Variants in CNGA1 observed in about 807,000 individuals in gnomAD.
The protein encoded by CNGA1 is cyclic nucleotide gated channel subunit alpha 1.
CNGA1 carries 53 observed loss-of-function variants against 69.7 expected under a neutral mutation model. The ratio of observed to expected loss-of-function variants is 0.76; its 90% confidence interval spans 0.61 to 0.96. The LOEUF (loss-of-function observed/expected upper bound fraction) is 0.96, where lower values mean the gene tolerates loss of function less well. Among genes scored for constraint, CNGA1 ranks in the 40% least tolerant of loss-of-function variants. The pLI, the probability that CNGA1 is intolerant of heterozygous loss-of-function variation, is 0.00. For missense variants in CNGA1, 739 were observed against 811.2 expected, an observed-to-expected ratio of 0.91 and a Z score of 1.08; for synonymous variants, 249 against 283.5, an observed-to-expected ratio of 0.88 and a Z score of 1.22.
In CNGA1 at chr4:47,967,219, C is replaced by G. The variant is rs144709892; in HGVS notation, c.-15+14174G>C. On this transcript the variant is annotated intron_variant, in intron 3 of 10. Transcript: ENST00000514170. The stretch of plus-strand genomic sequence containing the variant: ...TTGGAAAGCTGAGGCAGGAGAATCA[C>G]TTGAACCCAGGAGACAGAGTTTGCA... 9.0e-3 allele frequency among the ~76,000 whole-genome samples: 1,377 copies of G among 152,294 alleles called. 18 individuals are homozygous for G. The highest frequency in any genetic ancestry group is 0.03 in the African/African-American group (1,263 of 41,560).
chr4:47,978,733 T>A (rs1045720377), intron 3 of CNGA1, among the ~76,000 whole-genome samples: 5 of 152,196 alleles, frequency 3.3e-5, no homozygotes, highest in Non-Finnish European at 7.3e-5. Context: ...TAATAGATAT[T>A]CTATCAGGCA....
At chr4:47,954,094 A>T (rs1739912885) in intron 3 of CNGA1, among the ~76,000 whole-genome samples, 1 of 152,088 alleles carries the variant, frequency 6.6e-6, no homozygotes, top group South Asian at 2.1e-4. Flanking sequence ...AATAGCAGAG[A>T]GCGGCAGAGA....
In CNGA1 at chr4:47,980,066, T is replaced by C. The variant is rs75641555; in HGVS notation, c.-15+1327A>G. 7.1e-3 allele frequency among the ~76,000 whole-genome samples: 1,076 copies of C among 152,318 alleles called. 8 individuals are homozygous for C. Among genetic ancestry groups the C allele is most frequent in the African/African-American group, 0.024 (1,016 of 41,568 alleles). ...AATGGAGAAAAGAGGGCGTATTCTC[T>C]AGGGGACATAAGGTACAACAGGTAA... On this transcript the variant is annotated intron_variant, in intron 3 of 10. Transcript: ENST00000514170.
intron 3 of CNGA1, among the ~76,000 whole-genome samples, chr4:47,958,621 C>CA (rs60052755): frequency 2.3e-3 from 324 of 140,350 alleles, no homozygotes; most frequent in Middle Eastern, 7.5e-3. Flanking sequence ...GACTCCGCCT[C>CA]AAAAAAAAAA....
chr4:47,955,163 T>TTTATC (rs1739994961), intron 3 of CNGA1, among the ~76,000 whole-genome samples: 1 of 138,106 alleles, frequency 7.2e-6, no homozygotes, highest in Non-Finnish European at 1.5e-5. Flanking sequence ...CTCTGTCTCT[T>TTTATC]TTTTCTTTTC....
At position 47,936,608 on chromosome 4, in the gene CNGA1, C is replaced by G; in HGVS notation, c.1874G>C (p.Arg625Pro). 6.2e-7 allele frequency: 1 copy of G among 1,614,150 alleles called. No homozygotes were observed. The highest frequency in any genetic ancestry group is 8.5e-7 in the Non-Finnish European group (1 of 1,180,020). Residue 625 changes from arginine (R) to proline (P), a missense_variant, in exon 11 of 11, where the codon CGA (arginine) becomes CCA (proline). By Grantham distance (103) the Arg-to-Pro change is moderately radical. Coordinates refer to ENST00000514170, the MANE Select transcript of CNGA1 (RefSeq NM_001379270.1). ...DPKDLEEKVT[R>P]MEGSVDLLQT... ...CAGGAGGTCTACTGACCCCTCCATT[C>G]GAGTAACCTTCTCTTCAAGATCTTT...
Position 47,985,182 on chromosome 4 carries a change from A to G in CNGA1, c.-122-3682T>C, listed in dbSNP as rs1185173764. On this transcript the variant is annotated intron_variant, in intron 2 of 10. Transcript: ENST00000514170. ...ATATGAAGCATTTATTACTGTTCCT[A>G]AAGCATTGTAAATACTTGAGAAGAG... is the stretch of plus-strand genomic sequence containing the variant. Among the ~76,000 whole-genome samples the G allele has an allele frequency of 4.6e-5, 7 of 152,206 alleles. No individual in the cohort carries two copies. The East Asian group carries it at 1.2e-3, about 25-fold the overall frequency.
At chr4:47,952,029 A>T (rs2110159141) in intron 4 of CNGA1, among the ~76,000 whole-genome samples, 1 of 152,348 alleles carries the variant, frequency 6.6e-6, no homozygotes, top group Non-Finnish European at 1.5e-5. Flanking sequence ...TGTTTGGCAT[A>T]GGTGCTTAAT....
intron 2 of CNGA1, among the ~76,000 whole-genome samples, chr4:48,005,105 A>G (rs941954873): frequency 4.0e-4 from 58 of 145,488 alleles, no homozygotes; most frequent in African/African-American, 1.5e-3. Flanking sequence ...TTGCTTTTTT[A>G]TTATTTATTT....
At chr4:47,943,128 A>G (rs1283626925) in intron 8 of CNGA1, 53 bp downstream of exon 8, 2 of 1,265,334 alleles carry the variant, frequency 1.6e-6, no homozygotes, top group East Asian at 2.3e-5. Flanking sequence ...TCATCCCTGC[A>G]TCTAAAACCC....
Position 47,937,514 on chromosome 4 carries a change from A to T in CNGA1, c.968T>A (p.Phe323Tyr), listed in dbSNP as rs370559396. ...VFYSISKAIGFGNDTWVYPDI... is the reference protein window; with the variant it reads ...VFYSISKAIGYGNDTWVYPDI... Reference sequence around the variant, plus strand: ...AGGGTAGACCCATGTATCATTTCCAAATCCAATAGCTTTAGAAATAGAGTA... The same window carrying T: ...AGGGTAGACCCATGTATCATTTCCATATCCAATAGCTTTAGAAATAGAGTA... The change falls in exon 11 of 11, where the codon TTT becomes TAT. Residue 323 changes from phenylalanine (F) to tyrosine (Y), a missense_variant. Transcript: ENST00000514170. The T allele has an allele frequency of 9.9e-6, 16 of 1,614,056 alleles. No individual in the cohort carries two copies. In the African/African-American group the frequency reaches 1.3e-4, roughly 13 times the overall value.
intron 2 of CNGA1, among the ~76,000 whole-genome samples, chr4:47,993,708 C>A (rs1441005003): frequency 1.3e-5 from 2 of 151,592 alleles, no homozygotes; most frequent in African/African-American, 4.8e-5. Context: ...TTGCTTATTT[C>A]CTTACTTCTG....
chr4:47,971,176 G>GCT, intron 3 of CNGA1: 1 of 393,716 alleles, frequency 2.5e-6, no homozygotes, highest in African/African-American at 2.1e-5. Flanking sequence ...ATTTGTGTGT[G>GCT]TGTGTGTGTG....
rs557133427 is a variant in CNGA1 at position 47,978,146 on chromosome 4, T to C, written c.-15+3247A>G. Among the ~76,000 whole-genome samples, 28 of 152,264 alleles carry C rather than the reference T, an allele frequency of 1.8e-4. 1 individual carries two copies. In the South Asian group the frequency reaches 5.6e-3, roughly 30 times the overall value. On this transcript the variant is annotated intron_variant, in intron 3 of 10. Coordinates refer to ENST00000514170, the MANE Select transcript of CNGA1 (RefSeq NM_001379270.1). ...CAGCCCTAAGTGATTTTTATCCTAT[T>C]TAATGATTATTTATTCCTATGACAG...
At chr4:48,001,738 C>A (rs1714672101) in intron 2 of CNGA1, among the ~76,000 whole-genome samples, 1 of 152,108 alleles carries the variant, frequency 6.6e-6, no homozygotes, top group South Asian at 2.1e-4. Context: ...AATACACATT[C>A]TTTTCTATTT....
At chr4:47,982,225 ACT>A (rs1258168184) in intron 2 of CNGA1, among the ~76,000 whole-genome samples, 2 of 152,228 alleles carry the variant, frequency 1.3e-5, no homozygotes, top group Non-Finnish European at 2.9e-5. Flanking sequence ...TGAAATAAAT[ACT>A]GTTTCCATTT....
At chr4:47,946,645 T>C (rs902566611) in intron 6 of CNGA1, among the ~76,000 whole-genome samples, 1 of 152,248 alleles carries the variant, frequency 6.6e-6, no homozygotes, top group African/African-American at 2.4e-5. Context: ...TGAGATGGAT[T>C]CTGTCAGAAA....
chr4:48,003,277 TGA>T (rs2109348208), intron 2 of CNGA1, among the ~76,000 whole-genome samples: 1 of 152,302 alleles, frequency 6.6e-6, no homozygotes, highest in African/African-American at 2.4e-5. Flanking sequence ...TGCATTATTT[TGA>T]GTTTCTGATT....
chr4:47,949,765 A>G, intron 6 of CNGA1, 68 bp downstream of exon 6: 1 of 1,124,686 alleles, frequency 8.9e-7, no homozygotes, highest in Non-Finnish European at 1.4e-6. Context: ...AGATTCAGAT[A>G]TATTCCTACA....
Sources: gnomAD v4.1 joint callset for allele counts (sites outside exome capture counted in the v4.1 genomes callset) on GRCh38, gnomAD v4.1.1 for gene constraint, MANE v1.5 for transcripts, NCBI Gene and HGNC (gene_info 2026-07-23, HGNC 2026-07-21) for gene names.